The following RASGRP3 variants were observed in gnomAD, a reference collection of about 807,000 sequenced individuals.
RASGRP3 encodes the protein ras guanyl-releasing protein 3.
In RASGRP3, 54 loss-of-function variants were observed where a neutral mutation model predicts 82.7. The ratio of observed to expected loss-of-function variants is 0.65; its 90% CI spans 0.52 to 0.82. The LOEUF (loss-of-function observed/expected upper bound fraction) is 0.82, where lower values mean the gene tolerates loss of function less well. Among genes scored for constraint, RASGRP3 ranks in the 40% least tolerant of loss-of-function variants. The pLI is 0.00. For missense variants in RASGRP3, 861 were observed against 828.9 expected, an observed-to-expected ratio of 1.04 and a Z score of -0.48; for synonymous variants, 309 against 300.5, an observed-to-expected ratio of 1.03 and a Z score of -0.29.
At chr2:33,528,210 T>C (rs556957271) in intron 10 of RASGRP3, among the ~76,000 whole-genome samples, 1 of 152,352 alleles carries the variant, frequency 6.6e-6, no homozygotes, top group South Asian at 2.1e-4. Context: ...TTATCTGCCT[T>C]ACATATCATA....
chr2:33,529,057 A>G (rs1450202992), intron 10 of RASGRP3, among the ~76,000 whole-genome samples: 2 of 152,230 alleles, frequency 1.3e-5, no homozygotes, highest in Non-Finnish European at 2.9e-5. Flanking sequence ...ATAACTTCAG[A>G]GAGCAGGTGC....
intron 2 of RASGRP3, among the ~76,000 whole-genome samples, chr2:33,464,113 T>TTA (rs1558406308): frequency 5.7e-4 from 75 of 130,812 alleles, no homozygotes; most frequent in Admixed American, 1.5e-3. Context: ...TAATAATAAT[T>TTA]ATTATTATTA....
intron 4 of RASGRP3, 94 bp from the exon 5 acceptor site, chr2:33,519,858 C>T: frequency 1.2e-6 from 1 of 817,732 alleles, no homozygotes; most frequent in East Asian, 2.7e-5. Flanking sequence ...CCAGCATGGT[C>T]CTCTTATTAG....
At chr2:33,442,127 C>G (rs1665256363) in intron 1 of RASGRP3, among the ~76,000 whole-genome samples, 1 of 152,072 alleles carries the variant, frequency 6.6e-6, no homozygotes, top group Non-Finnish European at 1.5e-5. Context: ...GAAGTAAGAG[C>G]TAAAAAGTCA....
intron 2 of RASGRP3, among the ~76,000 whole-genome samples, chr2:33,512,061 C>A (rs1256245928): frequency 6.6e-6 from 1 of 152,144 alleles, no homozygotes; most frequent in Non-Finnish European, 1.5e-5. Context: ...GTTGTAGACA[C>A]AATAATGTCC....
chr2:33,460,199 T>C (rs116060746), intron 2 of RASGRP3, among the ~76,000 whole-genome samples: 4,351 of 152,268 alleles, frequency 0.029, 206 homozygotes, highest in African/African-American at 0.099. Context: ...AGAATGCAAC[T>C]ATTAAAAAGA....
rs531575979 is a variant in RASGRP3, at chr2:33,544,021, A to T, written c.1394+394A>T. Among the ~76,000 whole-genome samples, 20 of 152,118 alleles carry T rather than the reference A, an allele frequency of 1.3e-4. No individual in the cohort carries two copies. In the South Asian group the frequency reaches 1.4e-3, roughly 11 times the overall value. ...CAATCTTAAAATTCATGAAGATTTT[A>T]AAAAAATTTTGGCCAGGCATGGTGA... On this transcript the variant is annotated intron_variant, in intron 13 of 17. Coordinates refer to ENST00000403687, the MANE Select transcript of RASGRP3 (RefSeq NM_001139488.2).
intron 9 of RASGRP3, among the ~76,000 whole-genome samples, chr2:33,524,751 T>C (rs895807403): frequency 6.6e-6 from 1 of 152,074 alleles, no homozygotes; most frequent in Non-Finnish European, 1.5e-5. Context: ...TGGTGGTAAG[T>C]GTCCTAGGAA....
chr2:33,439,087 A>G (rs1190437324), intron 1 of RASGRP3, among the ~76,000 whole-genome samples: 5 of 152,182 alleles, frequency 3.3e-5, no homozygotes, highest in Admixed American at 6.5e-5. Flanking sequence ...AATTCAGACA[A>G]TTGGCTTTTG....
At chr2:33,495,896 GTCAGTCAGTTGCTGC>G (rs935600911) in intron 1 of RASGRP3, among the ~76,000 whole-genome samples, 1 of 152,208 alleles carries the variant, frequency 6.6e-6, no homozygotes, top group African/African-American at 2.4e-5. Context: ...GGAACTGGGA[GTCAGTCAGTTGCTGC>G]TCAGCTCCAT....
chr2:33,514,525 A>AAAAAC (rs1553350111), intron 2 of RASGRP3, among the ~76,000 whole-genome samples: 1 of 149,942 alleles, frequency 6.7e-6, no homozygotes, highest in Non-Finnish European at 1.5e-5. Context: ...AAAAAAAAAA[A>AAAAAC]AACCCAAAAA....
At chr2:33,523,819 A>G (rs2151028102) in intron 7 of RASGRP3, 60 bp from the exon 8 acceptor site, 2 of 1,432,910 alleles carry the variant, frequency 1.4e-6, no homozygotes, top group East Asian at 2.3e-5. Context: ...GCAATATTCT[A>G]ATTTTTGATT....
intron 7 of RASGRP3, among the ~76,000 whole-genome samples, chr2:33,522,466 G>A (rs115674604): frequency 1.3e-5 from 2 of 152,164 alleles, no homozygotes; most frequent in Admixed American, 6.5e-5. Context: ...ATTTAGTTAG[G>A]TTCGGATTTG....
chr2:33,523,789 C>G (rs1208340728), intron 7 of RASGRP3, 90 bp from the exon 8 acceptor site: 2 of 1,259,662 alleles, frequency 1.6e-6, no homozygotes, highest in African/African-American at 1.5e-5. Context: ...TGTTACGAAA[C>G]AATATCTCAC....
chr2:33,510,664 C>T (rs1194446180), intron 1 of RASGRP3, among the ~76,000 whole-genome samples: 1 of 152,182 alleles, frequency 6.6e-6, no homozygotes, highest in Non-Finnish European at 1.5e-5. Flanking sequence ...AAAGGAGACC[C>T]TTTCCCTGAG....
intron 2 of RASGRP3, among the ~76,000 whole-genome samples, chr2:33,452,824 G>T (rs1665869205): frequency 6.6e-6 from 1 of 152,172 alleles, no homozygotes; most frequent in Non-Finnish European, 1.5e-5. Context: ...GCAGCCTGAT[G>T]CTATAGAGGC....
rs750058298 is a variant in RASGRP3 at position 33,558,818 on chromosome 2, C to A, written c.1852C>A (p.Pro618Thr). ...ATTSQATQTE[P>T]VWSEAGWGDS... ...CACCAGCCAGGCCACCCAGACTGAA[C>A]CTGTCTGGTCAGAGGCTGGCTGGGG... The change falls in exon 17 of 18, where the codon CCT (proline) becomes ACT (threonine). Residue 618 changes from proline (P) to threonine (T), a missense_variant. Physicochemically the swap from Pro to Thr is conservative, Grantham distance 38 (BLOSUM62 -1). Transcript: ENST00000403687. The A allele has an allele frequency of 1.1e-5, 18 of 1,614,016 alleles. No homozygotes were observed. The highest frequency in any genetic ancestry group is 8.3e-5 in the Admixed American group (5 of 60,030).
chr2:33,562,201 C>T (rs1676741755), intron 17 of RASGRP3, among the ~76,000 whole-genome samples: 1 of 151,574 alleles, frequency 6.6e-6, no homozygotes, highest in African/African-American at 2.4e-5. Flanking sequence ...GGTCAACATC[C>T]TAGTTGGACT....
At chr2:33,541,245 A>T (rs1320710232) in intron 12 of RASGRP3, among the ~76,000 whole-genome samples, 2 of 147,268 alleles carry the variant, frequency 1.4e-5, no homozygotes, top group Non-Finnish European at 3.0e-5. Context: ...ATAGAAAATA[A>T]AAAGCTTTAC....
Sources: gnomAD v4.1 joint callset for allele counts (sites outside exome capture counted in the v4.1 genomes callset) on GRCh38, gnomAD v4.1.1 for gene constraint, MANE v1.5 for transcripts, NCBI Gene and HGNC (gene_info 2026-07-23, HGNC 2026-07-21) for gene names.